Variants in ASRGL1 observed in about 807,000 individuals in gnomAD.
The protein encoded by ASRGL1 is asparaginase and isoaspartyl peptidase 1, also known as isoaspartyl peptidase/L-asparaginase.
ASRGL1 carries 16 observed loss-of-function variants against 22.4 expected under a neutral mutation model. The observed-to-expected ratio is 0.71, with a 90% CI of 0.48 to 1.08. The LOEUF is 1.08. Ranked by LOEUF, ASRGL1 falls within the 50% of genes least tolerant of loss-of-function variation. ASRGL1 has a pLI of 0.00. For missense variants in ASRGL1, 412 were observed against 410.1 expected (o/e 1.00, Z -0.04); for synonymous variants, 165 against 159.3 (o/e 1.04, Z -0.27).
intron 4 of ASRGL1, among the ~76,000 whole-genome samples, chr11:62,386,807 TTCCACTTC>T (rs1343390028): frequency 6.6e-6 from 1 of 151,866 alleles, no homozygotes; most frequent in African/African-American, 2.4e-5. Flanking sequence ...TGAATGAGAG[TTCCACTTC>T]CTGCACATCC....
intron 5 of ASRGL1, among the ~76,000 whole-genome samples, chr11:62,390,575 G>A (rs995435363): frequency 5.3e-5 from 8 of 152,168 alleles, no homozygotes; most frequent in Admixed American, 4.6e-4. Flanking sequence ...AAATATTAGG[G>A]CACTTTGACA....
Position 62,382,244 on chromosome 11 carries a change from G to C in ASRGL1, c.492-6889G>C, listed in dbSNP as rs189742681. On this transcript the variant is annotated intron_variant, in intron 4 of 6. Transcript: ENST00000415229. ...GAAAAAAAAGTGGGCCCAGGGGACC[G>C]GTGCTCAGCATACGGAGGACCCCCA... The C allele has an allele frequency of 1.3e-5, 2 of 151,930 alleles. 1 individual carries two copies. The highest frequency in any genetic ancestry group is 4.8e-5 in the African/African-American group (2 of 41,292). 9.4% of individuals were successfully genotyped at this position (151,930 alleles called of 1,614,324 possible).
intron 4 of ASRGL1, among the ~76,000 whole-genome samples, chr11:62,364,028 G>C (rs1201356714): frequency 6.6e-6 from 1 of 151,830 alleles, no homozygotes; most frequent in African/African-American, 2.4e-5. Context: ...GCGTGGCAGT[G>C]TGCACCTGTA....
At chr11:62,396,290 G>T (rs995746216), downstream of ASRGL1, among the ~76,000 whole-genome samples, 3 of 151,878 alleles carry the variant, frequency 2.0e-5, no homozygotes, top group Non-Finnish European at 4.4e-5. Context: ...CCCATTAGTG[G>T]CTGCATCCAG....
At chr11:62,377,853 T>C (rs1946968158) in intron 4 of ASRGL1, among the ~76,000 whole-genome samples, 1 of 152,220 alleles carries the variant, frequency 6.6e-6, no homozygotes, top group African/African-American at 2.4e-5. Context: ...GAGGAAGGAA[T>C]GACCACTCCA....
At position 62,357,039 on chromosome 11, in the gene ASRGL1, TG is replaced by T. The variant is rs2134608321; in HGVS notation, c.391del (p.Val131PhefsTer10). On this transcript the variant is annotated frameshift_variant, in exon 4 of 7. Transcript: ENST00000415229. LOFTEE classifies it high-confidence loss of function. The part of the protein sequence containing the change: ...DQGAAQFAAA[M>X]GVPEIPGEKL... ...GGCGCAGCGCAGTTTGCAGCAGCTATGGGGGTTCCAGAGATTCCTGGAGAAA... is the reference window on the plus strand; with the variant it reads ...GGCGCAGCGCAGTTTGCAGCAGCTATGGGGTTCCAGAGATTCCTGGAGAAA... The T allele has an allele frequency of 6.2e-7, 1 of 1,614,080 alleles. No individual in the cohort carries two copies. Among genetic ancestry groups the T allele is most frequent in the African/African-American group, 1.3e-5 (1 of 75,018 alleles).
At chr11:62,369,264 G>A (rs1194752434) in intron 4 of ASRGL1, among the ~76,000 whole-genome samples, 1 of 152,096 alleles carries the variant, frequency 6.6e-6, no homozygotes, top group Non-Finnish European at 1.5e-5. Context: ...ATCCTGTATA[G>A]CCATAAATCC....
chr11:62,341,229 C>G (rs374387252), intron 2 of ASRGL1, among the ~76,000 whole-genome samples: 1 of 143,454 alleles, frequency 7.0e-6, no homozygotes, highest in African/African-American at 2.6e-5. Flanking sequence ...GACTGAGTCT[C>G]GCTCTGTCAC....
Position 62,338,067 on chromosome 11 carries a change from C to T in ASRGL1, c.90C>T (p.Ala30=), listed in dbSNP as rs1478669421. The part of the protein sequence containing the change: ...KERVHQGMVR[A]ATVGYGILRE... ...GAGTGCACCAGGGCATGGTCAGAGCCGCCACCGTGGGCTACGGCATCCTCC... is the reference window on the plus strand; with the variant it reads ...GAGTGCACCAGGGCATGGTCAGAGCTGCCACCGTGGGCTACGGCATCCTCC... Residue 30 remains alanine, a synonymous_variant, in exon 2 of 7, where the codon GCC becomes GCT. Coordinates refer to ENST00000415229, the MANE Select transcript of ASRGL1 (RefSeq NM_001083926.2). The T allele has an allele frequency of 6.2e-7, 1 of 1,608,062 alleles. No homozygotes were observed.
At chr11:62,394,270 A>G (rs147282968), downstream of ASRGL1, among the ~76,000 whole-genome samples, 775 of 142,662 alleles carry the variant, frequency 5.4e-3, 7 homozygotes, top group African/African-American at 0.019. Context: ...TATACTATAT[A>G]TTATATATCA....
rs1590765339 is a variant in ASRGL1 at position 62,392,198 on chromosome 11, A to C, written c.841A>C (p.Thr281Pro). The C allele has an allele frequency of 6.2e-7, 1 of 1,614,004 alleles. No homozygotes were observed. Among genetic ancestry groups the C allele is most frequent in the South Asian group, 1.1e-5 (1 of 91,080 alleles). The change falls in exon 7 of 7, where the codon ACC becomes CCC. Residue 281 changes from threonine (T) to proline (P), a missense_variant. By Grantham distance (38) the Thr-to-Pro change is conservative (BLOSUM62 -1). Coordinates refer to ENST00000415229, the MANE Select transcript of ASRGL1 (RefSeq NM_001083926.2). ...TGDWVAKWTSTSMPWAAAKDG... is the reference protein window; with the variant it reads ...TGDWVAKWTSPSMPWAAAKDG... ...AGACTGGGTGGCAAAGTGGACCTCC[A>C]CCTCCATGCCCTGGGCAGCCGCCAA...
chr11:62,350,704 G>T (rs1382608237), intron 2 of ASRGL1, among the ~76,000 whole-genome samples: 2 of 152,164 alleles, frequency 1.3e-5, no homozygotes, highest in Non-Finnish European at 2.9e-5. Context: ...GCTGAGGCAG[G>T]AGAATTGCTT....
chr11:62,391,085 G>GCTC (rs1430987803), intron 5 of ASRGL1, among the ~76,000 whole-genome samples: 8 of 152,236 alleles, frequency 5.3e-5, no homozygotes, highest in Non-Finnish European at 7.3e-5. Context: ...TAGACAGTGT[G>GCTC]CATGGATGTT....
chr11:62,372,700 C>T lies in ASRGL1; in HGVS notation c.491+15556C>T, dbSNP rs111659362. 6.0e-5 allele frequency: 79 copies of T among 1,320,994 alleles called. No homozygotes were observed. The African/African-American group carries it at 1.0e-3, about 17-fold the overall frequency. The allele number at this position is 1,320,994 out of a possible 1,614,324, so 81.8% of individuals were successfully genotyped here. On this transcript the variant is annotated intron_variant, in intron 4 of 6. Transcript: ENST00000415229. ...AGTGGCTATGGCTGGCTGGGCTACA[C>T]AGAGCAGAAGGATGAGATGGTCCCC...
rs541778233 is a variant in ASRGL1, at chr11:62,385,943, C to CT, written c.492-3190_492-3189insT. ...CTTTGGGAGGCTGAGGTGGGTGGAT[C>CT]ACAAGGTCAGGAGTTCGAGACCAGC... On this transcript the variant is annotated intron_variant, in intron 4 of 6. Coordinates refer to ENST00000415229, the MANE Select transcript of ASRGL1 (RefSeq NM_001083926.2). 4.6e-3 allele frequency among the ~76,000 whole-genome samples: 700 copies of CT among 152,206 alleles called. 10 individuals carry two copies. Among genetic ancestry groups the CT allele is most frequent in the African/African-American group, 0.016 (671 of 41,530 alleles).
At chr11:62,383,705 T>C (rs1320392856) in intron 4 of ASRGL1, among the ~76,000 whole-genome samples, 1 of 149,860 alleles carries the variant, frequency 6.7e-6, no homozygotes, top group Admixed American at 6.7e-5. Context: ...GTGGACTGCC[T>C]GAGCTCAGGA....
intron 2 of ASRGL1, among the ~76,000 whole-genome samples, chr11:62,344,926 A>G (rs1373014744): frequency 1.3e-5 from 2 of 152,136 alleles, no homozygotes; most frequent in African/African-American, 2.4e-5. Context: ...CATGAGTTCA[A>G]TTGCTTTGAC....
At chr11:62,380,155 C>T (rs1306393336) in intron 4 of ASRGL1, among the ~76,000 whole-genome samples, 1 of 152,122 alleles carries the variant, frequency 6.6e-6, no homozygotes, top group African/African-American at 2.4e-5. Flanking sequence ...TGCATAGCTC[C>T]TCCAATTCCA....
intron 4 of ASRGL1, among the ~76,000 whole-genome samples, chr11:62,373,607 C>T (rs1946833625): frequency 6.6e-6 from 1 of 152,260 alleles, no homozygotes; most frequent in Non-Finnish European, 1.5e-5. Flanking sequence ...GAACCGGCAG[C>T]AGCTAGGCGA....
Sources: allele counts gnomAD v4.1 joint callset (sites outside exome capture counted in the v4.1 genomes callset), GRCh38; gene constraint gnomAD v4.1.1; transcripts MANE v1.5; gene names NCBI Gene and HGNC (gene_info 2026-07-23, HGNC 2026-07-21).